The following NOL9 variants were observed in gnomAD, a reference collection of about 807,000 sequenced individuals.
The protein encoded by NOL9 is polynucleotide 5'-hydroxyl-kinase NOL9.
Under a neutral mutation model 67.9 loss-of-function variants are expected in NOL9, and 28 were observed. The ratio of observed to expected loss-of-function variants is 0.41; its 90% CI spans 0.31 to 0.57. NOL9 has a LOEUF of 0.57. Ranked by LOEUF, NOL9 falls within the 20% of genes least tolerant of loss-of-function variation. NOL9 has a pLI of 0.25. For synonymous variants in NOL9, 356 were observed against 352.2 expected, an observed-to-expected ratio of 1.01 and a Z score of -0.12; for missense variants, 777 against 897.0, an observed-to-expected ratio of 0.87 and a Z score of 1.71.
At chr1:6,532,412 C>A (rs757034303) in intron 8 of NOL9, 51 bp downstream of exon 8, 7 of 1,542,768 alleles carry the variant, frequency 4.5e-6, no homozygotes, top group Non-Finnish European at 5.3e-6. Context: ...AATGGCAGGT[C>A]TTTTTCGACG....
intron 9 of NOL9, among the ~76,000 whole-genome samples, chr1:6,530,809 C>T (rs376857812): frequency 6.6e-6 from 1 of 152,262 alleles, no homozygotes; most frequent in African/African-American, 2.4e-5. Context: ...CTCCATGCTT[C>T]GCAGAGTGCC....
intron 10 of NOL9, among the ~76,000 whole-genome samples, chr1:6,528,662 CTG>C (rs768811602): frequency 6.6e-5 from 10 of 152,218 alleles, no homozygotes; most frequent in Non-Finnish European, 1.0e-4. Flanking sequence ...AGACGAACAG[CTG>C]TGTTGGAGGA....
Position 6,524,535 on chromosome 1 carries a change from A to ATATT in NOL9, c.*1318_*1319insAATA, listed in dbSNP as rs1041134170. 3 of 152,124 alleles carry ATATT rather than the reference A, an allele frequency of 2.0e-5. No individual in the cohort carries two copies. Among genetic ancestry groups the ATATT allele is most frequent in the African/African-American group, 7.2e-5 (3 of 41,390 alleles). 9.4% of individuals were successfully genotyped at this position (152,124 alleles called of 1,614,324 possible). A position where few individuals can be genotyped will look rare whatever the true frequency, so the allele number is the denominator to read the frequency against. On this transcript the variant is annotated 3_prime_UTR_variant, in exon 12 of 12. Transcript: ENST00000377705. ...CGGCACCCCCAGGAAAAAGCTCTAAATGGCAGGGTTGTTCATAGGTGCAAG... is the reference window on the plus strand; with the variant it reads ...CGGCACCCCCAGGAAAAAGCTCTAAATATTTGGCAGGGTTGTTCATAGGTGCAAG...
intron 3 of NOL9, chr1:6,548,138 CTTTTT>C (rs201835857): frequency 1.3e-4 from 13 of 101,884 alleles, no homozygotes; most frequent in South Asian, 6.0e-4. Flanking sequence ...ACTTAAAGTT[CTTTTT>C]TTTTTTTTTT....
chr1:6,552,820 CCTTT>C (rs1470929678), intron 1 of NOL9, among the ~76,000 whole-genome samples: 9 of 151,956 alleles, frequency 5.9e-5, no homozygotes, highest in Admixed American at 4.6e-4. Flanking sequence ...TTCCTTTCTT[CCTTT>C]CTTTCGAGAC....
rs1186144000 is a variant in NOL9 at position 6,550,443 on chromosome 1, T to G, written c.569A>C (p.Glu190Ala). ...CAAATTCCGGGCTTCCCTTTTCAGT[T>G]CCTTCTTGCTTTTCTCAGGCTGTGA... ...HYSQPEKSKK[E>A]LKREARNLLK... Residue 190 changes from glutamate (E) to alanine (A), a missense_variant, in exon 2 of 12, where the codon GAA (glutamate) becomes GCA (alanine). Glu to Ala is a moderately radical substitution (Grantham distance 107, BLOSUM62 -1). This residue lies in a region of NOL9 where 364 missense variants were observed against 344.4 expected (regional missense o/e 1.06). Transcript: ENST00000377705. The G allele has an allele frequency of 1.2e-6, 2 of 1,614,122 alleles. No homozygotes were observed. The highest frequency in any genetic ancestry group is 1.3e-5 in the African/African-American group (1 of 75,034).
chr1:6,529,091 G>A lies in NOL9; in HGVS notation c.1728C>T (p.Ser576=), dbSNP rs772112323. 41 of 1,613,966 alleles carry A rather than the reference G, an allele frequency of 2.5e-5. No individual in the cohort carries two copies. Among genetic ancestry groups the A allele is most frequent in the Non-Finnish European group, 3.4e-5 (40 of 1,179,998 alleles). ...CCTGGATCTTGCAAAGACCAACCCA[G>A]CTGGCGTTTACAGCATATAGTATAT... ...PTHILYAVNA[S]WVGLCKIQDD... is the part of the protein sequence containing the mutation. Residue 576 remains serine (S), a synonymous_variant, in exon 10 of 12, where the codon AGC becomes AGT. Transcript: ENST00000377705.
chr1:6,549,450 T>C, intron 3 of NOL9, 121 bp downstream of exon 3: 1 of 1,092,716 alleles, frequency 9.2e-7, no homozygotes, highest in Non-Finnish European at 1.3e-6. Context: ...TATTACATTC[T>C]GTAGGACTGA....
intron 5 of NOL9, among the ~76,000 whole-genome samples, chr1:6,544,179 A>G (rs1381409791): frequency 1.3e-5 from 2 of 151,746 alleles, no homozygotes; most frequent in African/African-American, 2.4e-5. Context: ...GCTACGTGGG[A>G]GGCTGAAGTG....
rs115979020 is a variant in NOL9, at chr1:6,545,145, G to A, written c.780C>T (p.Ala260=). 1.5e-4 allele frequency: 239 copies of A among 1,613,984 alleles called. 1 individual carries two copies. In the African/African-American group the frequency reaches 2.9e-3, roughly 19 times the overall value. Residue 260 remains alanine (A), a synonymous_variant, in exon 4 of 12, where the codon GCC becomes GCT. Coordinates refer to ENST00000377705, the MANE Select transcript of NOL9 (RefSeq NM_024654.5). ...PTPQIKPEYL[A]LRSVGIRREK... The stretch of plus-strand genomic sequence containing the variant: ...CTCTTCTGATGCCAACAGACCTCAA[G>A]GCTAAATATTCAGGTTTAATCTGGG...
intron 6 of NOL9, among the ~76,000 whole-genome samples, chr1:6,537,225 C>T (rs1238246489): frequency 6.6e-6 from 1 of 151,928 alleles, no homozygotes; most frequent in Middle Eastern, 3.4e-3. Flanking sequence ...CCTTATCAAA[C>T]ACCATATACA....
chr1:6,532,443 G>A lies in NOL9; in HGVS notation c.1535+20C>T, dbSNP rs771193885. 1 of 1,591,336 alleles carries A rather than the reference G, an allele frequency of 6.3e-7. No homozygotes were observed. Among genetic ancestry groups the A allele is most frequent in the South Asian group, 1.1e-5 (1 of 87,848 alleles). On this transcript the variant is annotated intron_variant, in intron 8 of 11. Transcript: ENST00000377705. ...CGACGGAAGGAAAAATAATTCTTCA[G>A]CCAAATGAGGGTTAGTTACCTATTT...
chr1:6,543,998 CG>C (rs1639358917), intron 5 of NOL9, among the ~76,000 whole-genome samples: 1 of 152,070 alleles, frequency 6.6e-6, no homozygotes, highest in South Asian at 2.1e-4. Context: ...TGGTGGCGCA[CG>C]CCTGTAATCC....
In NOL9 at chr1:6,550,481, A is replaced by G. The variant is rs1269017744; in HGVS notation, c.531T>C (p.His177=). ...SVYTHSCLSI[H]ALHYSQPEKS... ...TCTCAGGCTGTGAGTAGTGAAGTGC[A>G]TGGATACTCAAGCAAGAGTGGGTAT... Residue 177 remains histidine (H), a synonymous_variant, in exon 2 of 12, where the codon CAT becomes CAC. Coordinates refer to ENST00000377705, the MANE Select transcript of NOL9 (RefSeq NM_024654.5). 5 of 1,614,112 alleles carry G rather than the reference A, an allele frequency of 3.1e-6. No individual in the cohort carries two copies. The highest frequency in any genetic ancestry group is 4.2e-6 in the Non-Finnish European group (5 of 1,180,010).
chr1:6,548,713 A>C (rs190677290), intron 3 of NOL9: 1 of 176,390 alleles, frequency 5.7e-6, no homozygotes, highest in Admixed American at 5.9e-5. Context: ...GTTCATTTAA[A>C]CTACTCATTC....
intron 9 of NOL9, among the ~76,000 whole-genome samples, chr1:6,530,685 A>G (rs1225777555): frequency 6.6e-6 from 1 of 152,236 alleles, no homozygotes; most frequent in African/African-American, 2.4e-5. Flanking sequence ...CTGCCGCTTC[A>G]GCCTATGTGA....
intron 5 of NOL9, among the ~76,000 whole-genome samples, chr1:6,543,323 A>G (rs1478383513): frequency 1.3e-5 from 2 of 151,690 alleles, no homozygotes; most frequent in South Asian, 4.2e-4. Context: ...AGCCTCCCGA[A>G]TAGCTGGGAC....
Position 6,550,378 on chromosome 1 carries a change from C to T in NOL9, c.616+18G>A. 1 of 1,603,644 alleles carries T rather than the reference C, an allele frequency of 6.2e-7. No individual in the cohort carries two copies. The highest frequency in any genetic ancestry group is 1.7e-4 in the Middle Eastern group (1 of 5,994). ...ATTACAGTAGGCCCTCAGTAAATTACCCAGTTCTTTTCATTACCAAGGTTA... is the reference window on the plus strand; with the variant it reads ...ATTACAGTAGGCCCTCAGTAAATTATCCAGTTCTTTTCATTACCAAGGTTA... On this transcript the variant is annotated intron_variant, in intron 2 of 11. Coordinates refer to ENST00000377705, the MANE Select transcript of NOL9 (RefSeq NM_024654.5).
In NOL9 at chr1:6,540,248, A is replaced by G. The variant is rs1002097609; in HGVS notation, c.1075+1582T>C. Reference sequence around the variant, plus strand: ...TGCCATTCTCCTGCCTCAGCCTCCCAAGTAGCTGGGACTACAGGCGCCCGC... The same window carrying G: ...TGCCATTCTCCTGCCTCAGCCTCCCGAGTAGCTGGGACTACAGGCGCCCGC... On this transcript the variant is annotated intron_variant, in intron 6 of 11. Coordinates refer to ENST00000377705, the MANE Select transcript of NOL9 (RefSeq NM_024654.5). Among the ~76,000 whole-genome samples the G allele has an allele frequency of 2.0e-5, 3 of 148,052 alleles. No homozygotes were observed. In the South Asian group the frequency reaches 6.4e-4, roughly 32 times the overall value.
Sources: gnomAD v4.1 joint callset for allele counts (sites outside exome capture counted in the v4.1 genomes callset) on GRCh38, gnomAD v4.1.1 for gene constraint, gnomAD v4.1.1 regional missense constraint, MANE v1.5 for transcripts, NCBI Gene and HGNC (gene_info 2026-07-23, HGNC 2026-07-21) for gene names.